VWC2L: variants seen among roughly 807,000 people sequenced by gnomAD.
VWC2L encodes von Willebrand factor C domain-containing protein 2-like.
VWC2L carries 10 observed loss-of-function variants against 21.6 expected under a neutral mutation model. That is an observed-to-expected ratio of 0.46 (90% CI 0.29 to 0.78). The LOEUF (loss-of-function observed/expected upper bound fraction) is 0.78, where lower values mean the gene tolerates loss of function less well. Among genes scored for constraint, VWC2L ranks in the 30% least tolerant of loss-of-function variants. VWC2L has a pLI of 0.10. For missense variants in VWC2L, 209 were observed against 277.1 expected (o/e 0.75, Z 1.74); for synonymous variants, 96 against 94.3 (o/e 1.02, Z -0.10).
At chr2:214,447,206 A>T (rs543366664) in intron 3 of VWC2L, among the ~76,000 whole-genome samples, 1 of 152,254 alleles carries the variant, frequency 6.6e-6, no homozygotes, top group South Asian at 2.1e-4. Flanking sequence ...CCTAGAAATG[A>T]TATCTCTCCA....
rs540320115 is a variant in VWC2L at position 214,577,733 on chromosome 2, T to C, written c.*1913T>C. 1 of 152,322 alleles carries C rather than the reference T, an allele frequency of 6.6e-6. No homozygotes were observed. Among genetic ancestry groups the C allele is most frequent in the Non-Finnish European group, 1.5e-5 (1 of 68,046 alleles). The allele number at this position is 152,322 out of a possible 1,614,324, so 9.4% of individuals were successfully genotyped here. A position where few individuals can be genotyped will look rare whatever the true frequency, so the allele number is the denominator to read the frequency against. On this transcript the variant is annotated 3_prime_UTR_variant, in exon 4 of 4. Coordinates refer to ENST00000312504, the MANE Select transcript of VWC2L (RefSeq NM_001080500.4). ...TTGTCAACTGGTTTTTCATTTAAAA[T>C]TGTCAGCCTCTCCTCCCTGGAAGCA...
intron 3 of VWC2L, among the ~76,000 whole-genome samples, chr2:214,538,532 A>T (rs1689573774): frequency 6.6e-6 from 1 of 152,014 alleles, no homozygotes. Context: ...TTTTTATTGG[A>T]CAACTACTGC....
chr2:214,562,811 G>A (rs893220627), intron 3 of VWC2L, among the ~76,000 whole-genome samples: 11 of 152,042 alleles, frequency 7.2e-5, no homozygotes, highest in South Asian at 6.2e-4. Context: ...CTTTTTAATG[G>A]GGTTGTTTTT....
At chr2:214,431,722 T>C (rs1336421934) in intron 2 of VWC2L, among the ~76,000 whole-genome samples, 1 of 152,228 alleles carries the variant, frequency 6.6e-6, no homozygotes, top group East Asian at 1.9e-4. Flanking sequence ...TTTTCTAATA[T>C]ACTAAATTGT....
intron 3 of VWC2L, among the ~76,000 whole-genome samples, chr2:214,490,217 A>G (rs2126200723): frequency 6.6e-6 from 1 of 152,302 alleles, no homozygotes; most frequent in East Asian, 1.9e-4. Flanking sequence ...CACTCTCCTT[A>G]TATCATCTCT....
At chr2:214,420,170 T>C (rs1702418697) in intron 2 of VWC2L, among the ~76,000 whole-genome samples, 2 of 152,234 alleles carry the variant, frequency 1.3e-5, no homozygotes, top group African/African-American at 4.8e-5. Flanking sequence ...TTAATGGGTA[T>C]ATTCACACAG....
chr2:214,509,422 C>T (rs577753237), intron 3 of VWC2L, among the ~76,000 whole-genome samples: 1 of 151,548 alleles, frequency 6.6e-6, no homozygotes, highest in Non-Finnish European at 1.5e-5. Flanking sequence ...TACCCCAAGA[C>T]AGAATTTTTT....
intron 3 of VWC2L, among the ~76,000 whole-genome samples, chr2:214,437,929 G>A (rs916456093): frequency 3.3e-5 from 5 of 151,802 alleles, no homozygotes; most frequent in African/African-American, 9.7e-5. Flanking sequence ...CATATAAATC[G>A]ATTAACTTGA....
At chr2:214,414,700 T>G in intron 2 of VWC2L, 117 bp downstream of exon 2, 1 of 1,142,474 alleles carries the variant, frequency 8.8e-7, no homozygotes, top group Non-Finnish European at 1.2e-6. Flanking sequence ...CTTTAAATTA[T>G]ACAATTTGAT....
At chr2:214,441,916 C>CT (rs748117648) in intron 3 of VWC2L, among the ~76,000 whole-genome samples, 1,429 of 140,446 alleles carry the variant, frequency 0.01, 17 homozygotes, top group African/African-American at 0.031. Flanking sequence ...AATAAGATAC[C>CT]TTTTTTTTTT....
At chr2:214,562,232 G>A (rs1280029353) in intron 3 of VWC2L, among the ~76,000 whole-genome samples, 2 of 152,116 alleles carry the variant, frequency 1.3e-5, no homozygotes, top group East Asian at 3.9e-4. Context: ...TTATAAGTGA[G>A]AACATGCAGT....
chr2:214,557,396 C>A (rs1364553590), intron 3 of VWC2L, among the ~76,000 whole-genome samples: 2 of 152,072 alleles, frequency 1.3e-5, no homozygotes, highest in African/African-American at 4.8e-5. Flanking sequence ...AGTTCCCTAC[C>A]ACAACACATG....
Position 214,526,077 on chromosome 2 carries a change from T to C in VWC2L, c.521-49595T>C, listed in dbSNP as rs73989061. ...AGTCATACCAAAAATAAATAACATA[T>C]ATTATTAATATATTTTTATATATTC... is the stretch of plus-strand genomic sequence containing the variant. On this transcript the variant is annotated intron_variant, in intron 3 of 3. Transcript: ENST00000312504. 3.8e-3 allele frequency among the ~76,000 whole-genome samples: 566 copies of C among 150,304 alleles called. 6 individuals are homozygous for C. The highest frequency in any genetic ancestry group is 0.013 in the African/African-American group (547 of 41,256).
At chr2:214,506,420 C>T (rs1159806667) in intron 3 of VWC2L, among the ~76,000 whole-genome samples, 1 of 152,066 alleles carries the variant, frequency 6.6e-6, no homozygotes. Context: ...TTCTCCTATA[C>T]CCTTAACTCC....
intron 3 of VWC2L, among the ~76,000 whole-genome samples, chr2:214,440,838 GA>G (rs1263269280): frequency 6.6e-6 from 1 of 152,032 alleles, no homozygotes; most frequent in Admixed American, 6.5e-5. Flanking sequence ...CAAAACATTT[GA>G]TCATTGGAGC....
chr2:214,567,841 G>GA (rs1289207185), intron 3 of VWC2L, among the ~76,000 whole-genome samples: 1 of 152,026 alleles, frequency 6.6e-6, no homozygotes, highest in Non-Finnish European at 1.5e-5. Context: ...CTGTAAAACA[G>GA]AAAAAATAAT....
chr2:214,516,621 A>C lies in VWC2L; in HGVS notation c.521-59051A>C, dbSNP rs924400624. ...GATTATGCATAGCTTATCGTTAAGC[A>C]AAATTGTGCTGCCAGAGAAACAGCC... On this transcript the variant is annotated intron_variant, in intron 3 of 3. Coordinates refer to ENST00000312504, the MANE Select transcript of VWC2L (RefSeq NM_001080500.4). Among the ~76,000 whole-genome samples, 4 of 151,830 alleles carry C rather than the reference A, an allele frequency of 2.6e-5. No individual in the cohort carries two copies. In the East Asian group the frequency reaches 7.8e-4, roughly 30 times the overall value.
At chr2:214,567,877 G>A (rs1690093276) in intron 3 of VWC2L, among the ~76,000 whole-genome samples, 1 of 152,142 alleles carries the variant, frequency 6.6e-6, no homozygotes, top group African/African-American at 2.4e-5. Context: ...ATAAGGCCAT[G>A]TATAAAAAGC....
intron 3 of VWC2L, among the ~76,000 whole-genome samples, chr2:214,528,161 C>T (rs1184911145): frequency 6.6e-6 from 1 of 152,068 alleles, no homozygotes; most frequent in Non-Finnish European, 1.5e-5. Context: ...CTTGGTTGGT[C>T]CTGAACCCTG....
Sources: allele counts gnomAD v4.1 joint callset (sites outside exome capture counted in the v4.1 genomes callset), GRCh38; gene constraint gnomAD v4.1.1; transcripts MANE v1.5; gene names NCBI Gene and HGNC (gene_info 2026-07-23, HGNC 2026-07-21).